CBLB: variants seen among roughly 807,000 people sequenced by gnomAD.
The protein encoded by CBLB is E3 ubiquitin-protein ligase CBL-B.
CBLB carries 31 observed loss-of-function variants against 104.9 expected under a neutral mutation model. The ratio of observed to expected loss-of-function variants is 0.30; its 90% CI spans 0.22 to 0.40. CBLB has a LOEUF of 0.40. Among genes scored for constraint, CBLB ranks in the 10% least tolerant of loss-of-function variants. The pLI is 1.00. For synonymous variants in CBLB, 440 were observed against 422.6 expected, an observed-to-expected ratio of 1.04 and a Z score of -0.51; for missense variants, 1,062 against 1,214.6, an observed-to-expected ratio of 0.87 and a Z score of 1.87.
Position 105,740,577 on chromosome 3 carries a change from C to T in CBLB, c.900G>A (p.Val300=), listed in dbSNP as rs769264858. The change falls in exon 7 of 19, where the codon GTG becomes GTA. Residue 300 remains valine, a synonymous_variant. Coordinates refer to ENST00000394030, the MANE Select transcript of CBLB (RefSeq NM_170662.5). ...TCTGTAAGATATTCCCATCCCCAGT[C>T]ACATAGCCAATGGCCCACTGTCCCA... ...TRLGQWAIGY[V]TGDGNILQTI... 12 of 1,613,894 alleles carry T rather than the reference C, an allele frequency of 7.4e-6. No individual in the cohort carries two copies. The highest frequency in any genetic ancestry group is 9.3e-6 in the Non-Finnish European group (11 of 1,179,936).
In CBLB at chr3:105,794,123, A is replaced by C. The variant is rs1332778332; in HGVS notation, c.420-17581T>G. Reference sequence around the variant, plus strand: ...ACTGAAAATGTAACACAAAATACAAAGATTTATTTGGGCATAAAATTCCCG... The same window carrying C: ...ACTGAAAATGTAACACAAAATACAACGATTTATTTGGGCATAAAATTCCCG... On this transcript the variant is annotated intron_variant, in intron 3 of 18. Coordinates refer to ENST00000394030, the MANE Select transcript of CBLB (RefSeq NM_170662.5). Among the ~76,000 whole-genome samples, 4 of 152,214 alleles carry C rather than the reference A, an allele frequency of 2.6e-5. No individual in the cohort carries two copies. The East Asian group carries it at 7.7e-4, about 29-fold the overall frequency.
At chr3:105,777,397 G>GAGGC (rs1341082934) in intron 3 of CBLB, among the ~76,000 whole-genome samples, 1 of 152,182 alleles carries the variant, frequency 6.6e-6, no homozygotes, top group Non-Finnish European at 1.5e-5. Flanking sequence ...ACCACATTGG[G>GAGGC]AGGCTGAGGT....
chr3:105,858,853 G>T, intron 2 of CBLB, among the ~76,000 whole-genome samples: 1 of 152,114 alleles, frequency 6.6e-6, no homozygotes, highest in African/African-American at 2.4e-5. Context: ...TTTTGTATTT[G>T]CTTAAATGTA....
intron 18 of CBLB, 94 bp from the exon 19 acceptor site, chr3:105,659,323 T>TG: frequency 7.9e-7 from 1 of 1,270,816 alleles, no homozygotes; most frequent in Non-Finnish European, 1.1e-6. Context: ...CCTATGGAAA[T>TG]ATTATTTCTT....
At chr3:105,745,073 A>G (rs1470294495) in intron 6 of CBLB, among the ~76,000 whole-genome samples, 1 of 152,226 alleles carries the variant, frequency 6.6e-6, no homozygotes, top group African/African-American at 2.4e-5. Context: ...AATGTTCTCT[A>G]TATGAAAATC....
intron 18 of CBLB, among the ~76,000 whole-genome samples, chr3:105,660,402 G>C (rs188136020): frequency 4.7e-4 from 72 of 151,812 alleles, no homozygotes; most frequent in African/African-American, 1.7e-3. Flanking sequence ...ATGTTGATCA[G>C]GCTGGTCTTG....
intron 2 of CBLB, among the ~76,000 whole-genome samples, chr3:105,855,334 C>G (rs1260557474): frequency 2.6e-5 from 4 of 152,054 alleles, no homozygotes; most frequent in Non-Finnish European, 5.9e-5. Context: ...TACTGGAGAT[C>G]TAATGTACAG....
chr3:105,740,700 G>C, intron 6 of CBLB, 69 bp from the exon 7 acceptor site: 2 of 1,356,556 alleles, frequency 1.5e-6, no homozygotes, highest in Non-Finnish European at 2.1e-6. Flanking sequence ...AATTTGTTAG[G>C]TTTCTTCCAA....
In CBLB at chr3:105,702,476, G is replaced by C; in HGVS notation, c.1594-17C>G. 75 of 276,970 alleles carry C rather than the reference G, an allele frequency of 2.7e-4. No individual in the cohort carries two copies. Among genetic ancestry groups the C allele is most frequent in the Middle Eastern group, 1.7e-3 (1 of 590 alleles). 17.2% of individuals were successfully genotyped at this position (276,970 alleles called of 1,614,324 possible). On this transcript the variant is annotated splice_polypyrimidine_tract_variant and intron_variant, in intron 11 of 18. Transcript: ENST00000394030. ...AGGAGAAGACTAAAGAAACAGAAGA[G>C]AAAAAAAAAAAAAAAAAAAAAAACT...
Position 105,670,352 on chromosome 3 carries a change from T to A in CBLB, c.2570A>T (p.Asp857Val). 2 of 1,610,328 alleles carry A rather than the reference T, an allele frequency of 1.2e-6. No homozygotes were observed. Among genetic ancestry groups the A allele is most frequent in the Non-Finnish European group, 1.7e-6 (2 of 1,177,144 alleles). Reference sequence around the variant, plus strand: ...GCCACTTGCTAGATCAACAAAGGGATCTTAAAAATAAAAACAAGTTTCAAA... The same window carrying A: ...GCCACTTGCTAGATCAACAAAGGGAACTTAAAAATAAAAACAAGTTTCAAA... ...SGQDLFLLPS[D>V]PFVDLASGQV... The change falls in exon 18 of 19, where the codon GAT (aspartate) becomes GTT (valine). Residue 857 changes from aspartate (D) to valine (V), a missense_variant and splice_region_variant. Physicochemically the swap from Asp to Val is radical, Grantham distance 152. Transcript: ENST00000394030.
chr3:105,773,891 T>C (rs1382482010), intron 4 of CBLB, among the ~76,000 whole-genome samples: 1 of 152,260 alleles, frequency 6.6e-6, no homozygotes, highest in Non-Finnish European at 1.5e-5. Flanking sequence ...CATGTGTTAC[T>C]GTTCCCCTTG....
At chr3:105,691,822 C>T (rs1456988381) in intron 13 of CBLB, among the ~76,000 whole-genome samples, 4 of 152,132 alleles carry the variant, frequency 2.6e-5, no homozygotes, top group Non-Finnish European at 5.9e-5. Context: ...CTGAATGATG[C>T]CAAATTTCAC....
At chr3:105,849,368 C>T (rs1374246966) in intron 3 of CBLB, among the ~76,000 whole-genome samples, 3 of 151,994 alleles carry the variant, frequency 2.0e-5, no homozygotes. Context: ...GCTATATCAG[C>T]ATAGAAACCA....
chr3:105,705,078 G>C (rs1221394693), intron 10 of CBLB, among the ~76,000 whole-genome samples: 2 of 152,132 alleles, frequency 1.3e-5, no homozygotes, highest in Non-Finnish European at 2.9e-5. Context: ...TGAAGATTTA[G>C]ACTTAATGTT....
intron 18 of CBLB, among the ~76,000 whole-genome samples, chr3:105,664,276 G>A (rs1333645903): frequency 2.0e-5 from 3 of 151,862 alleles, no homozygotes; most frequent in East Asian, 3.9e-4. Flanking sequence ...ATAAAGTTAG[G>A]GTTTCTGTTA....
chr3:105,868,992 G>C lies in CBLB; in HGVS notation c.-271C>G. ...GGACGCCGCAGCAGCACTAGCAGGAGGAGGAGACCGCTCGCTGGACACCCC... is the reference window on the plus strand; with the variant it reads ...GGACGCCGCAGCAGCACTAGCAGGACGAGGAGACCGCTCGCTGGACACCCC... On this transcript the variant is annotated 5_prime_UTR_variant, in exon 1 of 19. Transcript: ENST00000394030. The C allele has an allele frequency of 9.5e-7, 1 of 1,057,174 alleles. No individual in the cohort carries two copies. Among genetic ancestry groups the C allele is most frequent in the Non-Finnish European group, 1.1e-6 (1 of 874,718 alleles). 65.5% of individuals were successfully genotyped at this position (1,057,174 alleles called of 1,614,324 possible).
At chr3:105,751,431 G>C in intron 5 of CBLB, 31 bp downstream of exon 5, 17 of 1,516,148 alleles carry the variant, frequency 1.1e-5, no homozygotes, top group Non-Finnish European at 1.5e-5. Flanking sequence ...GAGAAGAAGG[G>C]AATGGATAGA....
At chr3:105,720,520 T>C (rs2072651161) in intron 9 of CBLB, among the ~76,000 whole-genome samples, 1 of 152,224 alleles carries the variant, frequency 6.6e-6, no homozygotes. Flanking sequence ...TTTATTTTCC[T>C]GACTGTTCAC....
intron 3 of CBLB, among the ~76,000 whole-genome samples, chr3:105,847,294 G>A (rs1270800107): frequency 1.3e-5 from 2 of 151,678 alleles, no homozygotes; most frequent in South Asian, 2.1e-4. Context: ...TATTTCTGCC[G>A]GATGCTCCTG....
Sources: gnomAD v4.1 joint callset for allele counts (sites outside exome capture counted in the v4.1 genomes callset) on GRCh38, gnomAD v4.1.1 for gene constraint, MANE v1.5 for transcripts, NCBI Gene and HGNC (gene_info 2026-07-23, HGNC 2026-07-21) for gene names.